The following SCIN variants were observed in gnomAD, a reference collection of about 807,000 sequenced individuals.
The protein encoded by SCIN is scinderin.
In SCIN, 91 loss-of-function variants were observed where a neutral mutation model predicts 91.8. That is an observed-to-expected ratio of 0.99 (90% CI 0.84 to 1.18). The LOEUF (loss-of-function observed/expected upper bound fraction) is 1.18. SCIN is among the 50% of genes most tolerant of loss of function. The pLI, the probability that SCIN is intolerant of heterozygous loss-of-function variation, is 0.00. For synonymous variants in SCIN, 367 were observed against 312.6 expected, an observed-to-expected ratio of 1.17 and a Z score of -1.84; for missense variants, 1,087 against 863.9, an observed-to-expected ratio of 1.26 and a Z score of -3.24.
intron 1 of SCIN, among the ~76,000 whole-genome samples, chr7:12,573,477 A>G (rs1309633567): frequency 6.6e-6 from 1 of 152,198 alleles, no homozygotes; most frequent in Non-Finnish European, 1.5e-5. Context: ...AACACTTGGC[A>G]TATCTCAGAT....
rs1784210598 is a variant in SCIN, at chr7:12,658,641, G to A, written c.*5926G>A. ...TATTTTGAAGGAGCCAGGTGCTTGGGGAACCTGGTTGTACAGAAAGGTGAT... is the reference window on the plus strand; with the variant it reads ...TATTTTGAAGGAGCCAGGTGCTTGGAGAACCTGGTTGTACAGAAAGGTGAT... On this transcript the variant is annotated 3_prime_UTR_variant, in exon 16 of 16. Coordinates refer to ENST00000297029, the MANE Select transcript of SCIN (RefSeq NM_001112706.3). 1 of 152,148 alleles carries A rather than the reference G, an allele frequency of 6.6e-6. No individual in the cohort carries two copies. Among genetic ancestry groups the A allele is most frequent in the South Asian group, 2.1e-4 (1 of 4,820 alleles). The allele number at this position is 152,148 out of a possible 1,614,324, so 9.4% of individuals were successfully genotyped here. A position where few individuals can be genotyped will look rare whatever the true frequency, so the allele number is the denominator to read the frequency against.
At chr7:12,650,967 G>A (rs1583326090) in intron 14 of SCIN, among the ~76,000 whole-genome samples, 1 of 152,078 alleles carries the variant, frequency 6.6e-6, no homozygotes, top group African/African-American at 2.4e-5. Context: ...ACTGTGTAAG[G>A]GCCAAGGGAA....
intron 3 of SCIN, among the ~76,000 whole-genome samples, chr7:12,601,507 G>C (rs1339159247): frequency 6.6e-6 from 1 of 152,202 alleles, no homozygotes; most frequent in African/African-American, 2.4e-5. Context: ...GATGAAACGT[G>C]TGTGGGAGTG....
chr7:12,629,460 C>T (rs1032963230), intron 9 of SCIN, among the ~76,000 whole-genome samples: 1 of 152,048 alleles, frequency 6.6e-6, no homozygotes, highest in Non-Finnish European at 1.5e-5. Flanking sequence ...GTTTTGATAT[C>T]CTAAACCAGT....
At chr7:12,647,623 G>C (rs767292019) in intron 13 of SCIN, among the ~76,000 whole-genome samples, 39 of 152,160 alleles carry the variant, frequency 2.6e-4, no homozygotes, top group Non-Finnish European at 4.4e-4. Flanking sequence ...CATTAGAACA[G>C]TGCTGACGTC....
rs1782847973 is a variant in SCIN, at chr7:12,596,609, C to G, written c.517-7905C>G. ...CAATACGCATGAAGAAGCAGTAACT[C>G]TTGATGTTGATTGAGCAGTTGAGTC... On this transcript the variant is annotated intron_variant, in intron 3 of 15. Coordinates refer to ENST00000297029, the MANE Select transcript of SCIN (RefSeq NM_001112706.3). Among the ~76,000 whole-genome samples the G allele has an allele frequency of 2.0e-5, 3 of 152,108 alleles. No individual in the cohort carries two copies. The South Asian group carries it at 6.2e-4, about 31-fold the overall frequency.
intron 1 of SCIN, among the ~76,000 whole-genome samples, chr7:12,575,464 C>T (rs1343164919): frequency 6.6e-6 from 1 of 151,928 alleles, no homozygotes; most frequent in East Asian, 1.9e-4. Context: ...TTTTACTGTT[C>T]AGCATTGCTA....
At chr7:12,641,127 C>T (rs1179269743) in intron 11 of SCIN, among the ~76,000 whole-genome samples, 1 of 152,180 alleles carries the variant, frequency 6.6e-6, no homozygotes, top group African/African-American at 2.4e-5. Flanking sequence ...AAATCCAGGT[C>T]TTCCACATCA....
chr7:12,606,194 T>A (rs1783077507), intron 4 of SCIN, among the ~76,000 whole-genome samples: 1 of 152,230 alleles, frequency 6.6e-6, no homozygotes, highest in Non-Finnish European at 1.5e-5. Context: ...CCATCGTGAC[T>A]TTACAGAGCC....
intron 5 of SCIN, 118 bp from the exon 6 acceptor site, chr7:12,624,892 A>G (rs1206468941): frequency 3.0e-6 from 3 of 1,004,466 alleles, no homozygotes; most frequent in Non-Finnish European, 4.2e-6. Flanking sequence ...AAAGTGTACA[A>G]TTCAATGCTT....
chr7:12,599,495 CT>C (rs1782913368), intron 3 of SCIN, among the ~76,000 whole-genome samples: 1 of 151,874 alleles, frequency 6.6e-6, no homozygotes, highest in Admixed American at 6.6e-5. Context: ...GTGCAAGTAT[CT>C]TTTTTATATA....
At chr7:12,618,255 T>C (rs571936617) in intron 4 of SCIN, among the ~76,000 whole-genome samples, 5 of 152,284 alleles carry the variant, frequency 3.3e-5, no homozygotes, top group African/African-American at 1.2e-4. Flanking sequence ...ACTCATTAGC[T>C]ACAAATGGCT....
intron 9 of SCIN, among the ~76,000 whole-genome samples, chr7:12,635,706 G>C (rs145403375): frequency 7.0e-6 from 1 of 143,290 alleles, no homozygotes; most frequent in African/African-American, 2.6e-5. Context: ...TTTCATCTCA[G>C]ATGGATTATT....
At chr7:12,603,632 TC>T (rs1783010114) in intron 3 of SCIN, among the ~76,000 whole-genome samples, 1 of 152,148 alleles carries the variant, frequency 6.6e-6, no homozygotes, top group South Asian at 2.1e-4. Flanking sequence ...TACGTTTGTA[TC>T]CTTATACCTT....
intron 3 of SCIN, among the ~76,000 whole-genome samples, chr7:12,592,722 A>G (rs918736744): frequency 2.0e-5 from 3 of 151,266 alleles, no homozygotes; most frequent in Admixed American, 2.0e-4. Context: ...AATGGCATCA[A>G]ACAGGGAACA....
In SCIN at chr7:12,658,620, T is replaced by C. The variant is rs1397525841; in HGVS notation, c.*5905T>C. On this transcript the variant is annotated 3_prime_UTR_variant, in exon 16 of 16. Transcript: ENST00000297029. ...ATGTTGTTTGATTATCTCCATTATTTTGAAGGAGCCAGGTGCTTGGGGAAC... is the reference window on the plus strand; with the variant it reads ...ATGTTGTTTGATTATCTCCATTATTCTGAAGGAGCCAGGTGCTTGGGGAAC... The C allele has an allele frequency of 6.6e-6, 1 of 152,152 alleles. No homozygotes were observed. Among genetic ancestry groups the C allele is most frequent in the Non-Finnish European group, 1.5e-5 (1 of 68,036 alleles). 9.4% of individuals were successfully genotyped at this position (152,152 alleles called of 1,614,324 possible).
intron 8 of SCIN, among the ~76,000 whole-genome samples, chr7:12,628,133 A>G (rs547845660): frequency 2.9e-4 from 44 of 151,924 alleles, no homozygotes; most frequent in African/African-American, 9.4e-4. Context: ...TGTTTCATCT[A>G]CAATTCTCAT....
chr7:12,583,613 G>C (rs1210429308), intron 3 of SCIN, among the ~76,000 whole-genome samples: 1 of 152,186 alleles, frequency 6.6e-6, no homozygotes, highest in Non-Finnish European at 1.5e-5. Context: ...AATCTGCTGA[G>C]ATTCCACTGA....
chr7:12,589,862 T>C (rs1024302743), intron 3 of SCIN, among the ~76,000 whole-genome samples: 17 of 152,254 alleles, frequency 1.1e-4, no homozygotes, highest in African/African-American at 3.9e-4. Context: ...CGTCCGTATA[T>C]TAACTCAAAT....
Sources: allele counts gnomAD v4.1 joint callset (sites outside exome capture counted in the v4.1 genomes callset), GRCh38; gene constraint gnomAD v4.1.1; transcripts MANE v1.5; gene names NCBI Gene and HGNC (gene_info 2026-07-23, HGNC 2026-07-21).